GALNTL6: variants seen among roughly 807,000 people sequenced by gnomAD.
GALNTL6 encodes the protein polypeptide N-acetylgalactosaminyltransferase like 6.
GALNTL6 carries 46 observed loss-of-function variants against 73.7 expected under a neutral mutation model. That is an observed-to-expected ratio of 0.62 (90% CI 0.49 to 0.80). GALNTL6 has a LOEUF of 0.80. GALNTL6 is among the 30% of genes least tolerant of loss of function. The pLI, the probability that GALNTL6 is intolerant of heterozygous loss-of-function variation, is 0.00. For synonymous variants in GALNTL6, 259 were observed against 263.7 expected, an observed-to-expected ratio of 0.98 and a Z score of 0.17; for missense variants, 604 against 755.0, an observed-to-expected ratio of 0.80 and a Z score of 2.34.
Position 172,229,638 on chromosome 4 carries a change from T to C in GALNTL6, c.139-18T>C, listed in dbSNP as rs202184265. On this transcript the variant is annotated intron_variant, in intron 2 of 12. Transcript: ENST00000506823. ...GAAATACCTCCTTTTTATGCTTGAA[T>C]ACTTTCCTTTTCCACAGACATTTCC... 41 of 1,528,870 alleles carry C rather than the reference T, an allele frequency of 2.7e-5. No individual in the cohort carries two copies. Among genetic ancestry groups the C allele is most frequent in the Non-Finnish European group, 3.4e-5 (37 of 1,103,272 alleles). The allele number at this position is 1,528,870 out of a possible 1,614,324, so 94.7% of individuals were successfully genotyped here. A position where few individuals can be genotyped will look rare whatever the true frequency, so the allele number is the denominator to read the frequency against.
At chr4:172,450,911 A>G (rs898777423) in intron 5 of GALNTL6, among the ~76,000 whole-genome samples, 3 of 152,076 alleles carry the variant, frequency 2.0e-5, no homozygotes, top group African/African-American at 7.2e-5. Flanking sequence ...CATGACACTT[A>G]TTATTATTAG....
intron 7 of GALNTL6, among the ~76,000 whole-genome samples, chr4:172,854,925 C>G (rs1744046205): frequency 6.6e-6 from 1 of 152,016 alleles, no homozygotes; most frequent in South Asian, 2.1e-4. Context: ...GGTAAAATAA[C>G]AGTAGGTGGC....
At chr4:172,713,914 C>T (rs1204922543) in intron 5 of GALNTL6, among the ~76,000 whole-genome samples, 1 of 151,942 alleles carries the variant, frequency 6.6e-6, no homozygotes, top group Admixed American at 6.6e-5. Flanking sequence ...AGAGCTGTTC[C>T]ACAAGAAAAA....
chr4:172,311,792 GGT>G, intron 4 of GALNTL6, 40 bp downstream of exon 4: 1 of 1,324,270 alleles, frequency 7.6e-7, no homozygotes, highest in Non-Finnish European at 1.0e-6. Context: ...GGGTTTTTTT[GGT>G]TTTTTTTGTC....
At chr4:172,653,880 T>G (rs996912965) in intron 5 of GALNTL6, among the ~76,000 whole-genome samples, 1 of 152,244 alleles carries the variant, frequency 6.6e-6, no homozygotes, top group African/African-American at 2.4e-5. Context: ...TCTACAAAAC[T>G]TGGCACCTTG....
At chr4:172,700,494 T>A (rs1318884822) in intron 5 of GALNTL6, among the ~76,000 whole-genome samples, 1 of 152,142 alleles carries the variant, frequency 6.6e-6, no homozygotes, top group Admixed American at 6.6e-5. Flanking sequence ...TGCTGCCAGC[T>A]TTTTACTGAA....
At chr4:172,135,222 A>T (rs1733605802) in intron 2 of GALNTL6, among the ~76,000 whole-genome samples, 1 of 152,144 alleles carries the variant, frequency 6.6e-6, no homozygotes. Flanking sequence ...AAACAACTCA[A>T]TTTTCAGATT....
intron 2 of GALNTL6, among the ~76,000 whole-genome samples, chr4:172,180,499 T>C (rs895062775): frequency 1.3e-5 from 2 of 152,160 alleles, no homozygotes; most frequent in African/African-American, 2.4e-5. Flanking sequence ...TTGCTTTTGG[T>C]GTGTTAGTCA....
chr4:172,304,278 C>T (rs556181185), intron 3 of GALNTL6, among the ~76,000 whole-genome samples: 10 of 152,256 alleles, frequency 6.6e-5, no homozygotes, highest in African/African-American at 2.4e-4. Context: ...TGTGGCGTAC[C>T]TGTTATGTGG....
At chr4:172,332,873 C>G (rs535715106) in intron 4 of GALNTL6, among the ~76,000 whole-genome samples, 23 of 152,228 alleles carry the variant, frequency 1.5e-4, no homozygotes, top group African/African-American at 5.5e-4. Context: ...TTTGAGAAAT[C>G]GTCATACTGT....
At chr4:172,224,571 A>T (rs1450372974) in intron 2 of GALNTL6, among the ~76,000 whole-genome samples, 1 of 152,204 alleles carries the variant, frequency 6.6e-6, no homozygotes, top group East Asian at 1.9e-4. Flanking sequence ...TCTAACTTAG[A>T]GATAAAGAAA....
At chr4:171,919,164 TAA>T (rs1737711692) in intron 2 of GALNTL6, among the ~76,000 whole-genome samples, 2 of 152,136 alleles carry the variant, frequency 1.3e-5, no homozygotes, top group African/African-American at 4.8e-5. Context: ...CACAGATGAA[TAA>T]AAGTCAGTCT....
intron 10 of GALNTL6, among the ~76,000 whole-genome samples, chr4:172,984,463 G>T (rs1477022358): frequency 2.0e-5 from 3 of 152,204 alleles, no homozygotes; most frequent in African/African-American, 7.2e-5. Context: ...GACATGTGGG[G>T]ATTATTACAA....
At chr4:172,674,367 C>G (rs1036832019) in intron 5 of GALNTL6, among the ~76,000 whole-genome samples, 1 of 152,074 alleles carries the variant, frequency 6.6e-6, no homozygotes. Flanking sequence ...TGTAGGTGAC[C>G]TGACTTTTCT....
intron 5 of GALNTL6, among the ~76,000 whole-genome samples, chr4:172,449,693 C>T (rs1034136353): frequency 6.6e-6 from 1 of 152,100 alleles, no homozygotes; most frequent in African/African-American, 2.4e-5. Context: ...TAGTGTGATT[C>T]CCAGGAATTT....
intron 5 of GALNTL6, among the ~76,000 whole-genome samples, chr4:172,679,946 T>C (rs527757663): frequency 1.3e-5 from 2 of 152,310 alleles, no homozygotes; most frequent in South Asian, 4.1e-4. Flanking sequence ...TTTTTTTCAT[T>C]TTCAATGCTT....
chr4:171,896,184 T>G (rs1469136088), intron 2 of GALNTL6, among the ~76,000 whole-genome samples: 2 of 152,264 alleles, frequency 1.3e-5, no homozygotes, highest in African/African-American at 4.8e-5. Context: ...TAATGAAGAA[T>G]ACTTAAAATG....
intron 2 of GALNTL6, among the ~76,000 whole-genome samples, chr4:172,195,894 C>G (rs1735748511): frequency 6.6e-6 from 1 of 151,722 alleles, no homozygotes; most frequent in Non-Finnish European, 1.5e-5. Context: ...GAACCAAGAG[C>G]AAACCAACCC....
intron 5 of GALNTL6, among the ~76,000 whole-genome samples, chr4:172,663,524 G>C (rs1329487092): frequency 6.6e-6 from 1 of 152,202 alleles, no homozygotes; most frequent in African/African-American, 2.4e-5. Context: ...GATCAGCTCT[G>C]AGTTCAAGAT....
Sources: allele counts gnomAD v4.1 joint callset (sites outside exome capture counted in the v4.1 genomes callset), GRCh38; gene constraint gnomAD v4.1.1; transcripts MANE v1.5; gene names NCBI Gene and HGNC (gene_info 2026-07-23, HGNC 2026-07-21).